PSD3: variants seen among roughly 807,000 people sequenced by gnomAD.
PSD3 encodes the protein pleckstrin and Sec7 domain containing 3, also known as PH and SEC7 domain-containing protein 3.
A neutral mutation model predicts 105.5 loss-of-function variants in PSD3; 49 were observed. That is an observed-to-expected ratio of 0.46 (90% confidence interval 0.37 to 0.59). PSD3 has a LOEUF of 0.59. PSD3 is among the 20% of genes least tolerant of loss of function. PSD3 has a pLI of 0.00. For synonymous variants in PSD3, 557 were observed against 457.8 expected, an observed-to-expected ratio of 1.22 and a Z score of -2.77; for missense variants, 1,561 against 1,263.8, an observed-to-expected ratio of 1.24 and a Z score of -3.57.
At chr8:18,735,860 A>G (rs1038593842) in intron 9 of PSD3, among the ~76,000 whole-genome samples, 8 of 152,164 alleles carry the variant, frequency 5.3e-5, no homozygotes, top group East Asian at 3.8e-4. Flanking sequence ...CCTGAATAGT[A>G]AAATTAAGTT....
chr8:19,001,045 C>G (rs982890438), intron 1 of PSD3: 15 of 151,836 alleles, frequency 9.9e-5, no homozygotes, highest in Middle Eastern at 3.4e-3. Flanking sequence ...TCTCTGAGCA[C>G]CTGCCACGCG....
chr8:18,722,104 C>G (rs1027973466), intron 9 of PSD3, among the ~76,000 whole-genome samples: 3 of 151,644 alleles, frequency 2.0e-5, no homozygotes, highest in African/African-American at 7.3e-5. Context: ...TCCCCTTTCT[C>G]CCAGCTGCGG....
chr8:18,865,277 TATATATA>T (rs1816832629), intron 4 of PSD3: 3 of 4,138 alleles, frequency 7.2e-4, no homozygotes, highest in Admixed American at 3.2e-3. Context: ...TATATATATA[TATATATA>T]TATTTTTTTT....
At chr8:18,936,741 G>A (rs1586472312) in intron 1 of PSD3, among the ~76,000 whole-genome samples, 1 of 149,168 alleles carries the variant, frequency 6.7e-6, no homozygotes, top group South Asian at 2.1e-4. Context: ...CTGGGTGACA[G>A]AGCTAGACTC....
Position 18,872,285 on chromosome 8 carries a change from A to T in PSD3, c.579T>A (p.Asn193Lys). The T allele has an allele frequency of 1.2e-6, 2 of 1,614,004 alleles. No homozygotes were observed. Among genetic ancestry groups the T allele is most frequent in the Non-Finnish European group, 1.7e-6 (2 of 1,179,964 alleles). Reference protein sequence around the residue: ...VNKTLPAGQKNLPEIPLSAEV... With the variant: ...VNKTLPAGQKKLPEIPLSAEV... ...CAGCTGAAAGAGGTATTTCTGGTAA[A>T]TTTTTTTGGCCAGCAGGGAGCGTTT... The change falls in exon 3 of 16, where the codon AAT becomes AAA. Residue 193 changes from asparagine (N) to lysine (K), a missense_variant. Physicochemically the swap from Asn to Lys is moderately conservative, Grantham distance 94. Transcript: ENST00000327040.
intron 8 of PSD3, among the ~76,000 whole-genome samples, chr8:18,798,732 G>C (rs1477528012): frequency 6.6e-6 from 1 of 152,000 alleles, no homozygotes; most frequent in Non-Finnish European, 1.5e-5. Flanking sequence ...AAGAGTTCGA[G>C]TAAATGCTAA....
rs568786767 is a variant in PSD3 at position 18,775,062 on chromosome 8, A to T, written c.2083-9524T>A. 3.3e-5 allele frequency: 14 copies of T among 418,384 alleles called. No homozygotes were observed. The East Asian group carries it at 1.0e-3, about 30-fold the overall frequency. 25.9% of individuals were successfully genotyped at this position (418,384 alleles called of 1,614,324 possible). ...AACCACCAATCTACTCTCTACCTTC[A>T]TGAAATCTACTTTTTAAGCCCCCCC... On this transcript the variant is annotated intron_variant, in intron 8 of 15. Coordinates refer to ENST00000327040, the MANE Select transcript of PSD3 (RefSeq NM_015310.4).
At chr8:18,716,984 G>C (rs930154923) in intron 9 of PSD3, among the ~76,000 whole-genome samples, 5 of 152,182 alleles carry the variant, frequency 3.3e-5, no homozygotes, top group African/African-American at 1.2e-4. Flanking sequence ...GCTCCAGGAA[G>C]ATGTGGTTAA....
intron 15 of PSD3, among the ~76,000 whole-genome samples, chr8:18,555,199 A>T (rs1381805083): frequency 1.4e-4 from 21 of 152,112 alleles, no homozygotes; most frequent in Admixed American, 1.4e-3. Flanking sequence ...GGAGAAAGCC[A>T]GGGCTCAGCA....
intron 11 of PSD3, among the ~76,000 whole-genome samples, chr8:18,625,070 A>C (rs1009855359): frequency 3.3e-5 from 5 of 152,016 alleles, no homozygotes; most frequent in Admixed American, 3.3e-4. Context: ...CTTTCTACCC[A>C]AAAGTCATGA....
At chr8:18,701,764 T>C (rs1801594670) in intron 9 of PSD3, among the ~76,000 whole-genome samples, 1 of 152,206 alleles carries the variant, frequency 6.6e-6, no homozygotes, top group Non-Finnish European at 1.5e-5. Context: ...GCTTTAATAT[T>C]TACCAAATAT....
At chr8:18,925,949 A>C (rs144180512) in intron 2 of PSD3, among the ~76,000 whole-genome samples, 4 of 152,336 alleles carry the variant, frequency 2.6e-5, no homozygotes, top group Non-Finnish European at 5.9e-5. Context: ...TTTAGAAATG[A>C]TAGAGTTTTT....
Position 18,575,400 on chromosome 8 carries a change from A to G in PSD3, c.2482-115T>C, listed in dbSNP as rs182898858. ...TAGGAAATCCAAGTAAGTGAATGAA[A>G]AAAATGAAACAAACGGTGAGTAAAA... On this transcript the variant is annotated intron_variant, in intron 12 of 15. Coordinates refer to ENST00000327040, the MANE Select transcript of PSD3 (RefSeq NM_015310.4). 4.5e-5 allele frequency: 46 copies of G among 1,012,356 alleles called. No individual in the cohort carries two copies. The Admixed American group carries it at 6.9e-4, about 15-fold the overall frequency. 62.7% of individuals were successfully genotyped at this position (1,012,356 alleles called of 1,614,324 possible).
chr8:19,028,299 C>CCCCTCT (rs1563517980), intron 1 of PSD3, among the ~76,000 whole-genome samples: 1 of 96,184 alleles, frequency 1.0e-5, no homozygotes, highest in African/African-American at 4.2e-5. Context: ...CCGGCCCACC[C>CCCCTCT]TTTTTTTTTT....
intron 11 of PSD3, among the ~76,000 whole-genome samples, chr8:18,628,876 A>T (rs1806689459): frequency 6.6e-6 from 1 of 151,996 alleles, no homozygotes; most frequent in Non-Finnish European, 1.5e-5. Context: ...AATCCTACAC[A>T]AGAAAGGAAA....
At chr8:18,970,390 C>G (rs1438022979) in intron 1 of PSD3, among the ~76,000 whole-genome samples, 1 of 146,752 alleles carries the variant, frequency 6.8e-6, no homozygotes, top group Non-Finnish European at 1.5e-5. Context: ...CCCAATATAT[C>G]TAATTACCGG....
chr8:19,009,700 G>A (rs1826866376), intron 1 of PSD3, among the ~76,000 whole-genome samples: 1 of 152,154 alleles, frequency 6.6e-6, no homozygotes, highest in Non-Finnish European at 1.5e-5. Context: ...GACCAGCCTG[G>A]GCAACACGAT....
intron 11 of PSD3, among the ~76,000 whole-genome samples, chr8:18,604,687 C>A (rs1585362691): frequency 6.6e-6 from 1 of 152,190 alleles, no homozygotes; most frequent in Non-Finnish European, 1.5e-5. Context: ...CAGCCCCTCT[C>A]GAGGCCTAGG....
intron 2 of PSD3, among the ~76,000 whole-genome samples, chr8:18,874,689 C>A (rs979747829): frequency 4.7e-5 from 5 of 106,266 alleles, no homozygotes; most frequent in Admixed American, 4.0e-4. Context: ...GGTGACAGAG[C>A]AAGACTCCAT....
Sources: gnomAD v4.1 joint callset for allele counts (sites outside exome capture counted in the v4.1 genomes callset) on GRCh38, gnomAD v4.1.1 for gene constraint, MANE v1.5 for transcripts, NCBI Gene and HGNC (gene_info 2026-07-23, HGNC 2026-07-21) for gene names.